The following CLASRP variants were observed in gnomAD, a reference collection of about 807,000 sequenced individuals.
The protein encoded by CLASRP is CLK4 associating serine/arginine rich protein, also known as CLK4-associating serine/arginine rich protein.
A neutral mutation model predicts 99.9 loss-of-function variants in CLASRP; 52 were observed. The observed-to-expected ratio is 0.52, with a 90% CI of 0.42 to 0.66. The LOEUF is 0.66. CLASRP is among the 30% of genes least tolerant of loss of function. CLASRP has a pLI of 0.00. For missense variants in CLASRP, 848 were observed against 999.2 expected, an observed-to-expected ratio of 0.85 and a Z score of 2.04; for synonymous variants, 379 against 373.0, an observed-to-expected ratio of 1.02 and a Z score of -0.18.
Position 45,060,287 on chromosome 19 carries a change from G to T in CLASRP, c.711-102G>T. On this transcript the variant is annotated intron_variant, in intron 8 of 20. Transcript: ENST00000221455. The surrounding 1 kb of genome is among the most constrained non-coding windows in gnomAD (Gnocchi z 4.6). ...AATGAAAGATACCTCAGGCTGGCGT[G>T]GGGTGACTCAGGTCCCTCACTTTCT... The T allele has an allele frequency of 1.0e-6, 1 of 988,268 alleles. No homozygotes were observed. The allele number at this position is 988,268 out of a possible 1,614,324, so 61.2% of individuals were successfully genotyped here.
intron 2 of CLASRP, among the ~76,000 whole-genome samples, chr19:45,041,439 A>G (rs960588415): frequency 4.6e-5 from 7 of 151,252 alleles, no homozygotes; most frequent in Admixed American, 4.6e-4. Context: ...GCTTTGGCCT[A>G]TATTACCCCC....
chr19:45,039,431 C>T (rs1352084619), intron 1 of CLASRP: 1 of 152,318 alleles, frequency 6.6e-6, no homozygotes, highest in Non-Finnish European at 1.5e-5. Flanking sequence ...CCCGTCCAAA[C>T]CTTCGGTCTC....
At chr19:45,059,531 C>T (rs1450034351) in intron 8 of CLASRP, among the ~76,000 whole-genome samples, 167 bp downstream of exon 8, 1 of 152,184 alleles carries the variant, frequency 6.6e-6, no homozygotes, top group Non-Finnish European at 1.5e-5. Flanking sequence ...GTCGTGGCCC[C>T]ACTTCATCTG....
intron 2 of CLASRP, among the ~76,000 whole-genome samples, chr19:45,049,195 G>C (rs1971976935): frequency 6.6e-6 from 1 of 152,134 alleles, no homozygotes; most frequent in Non-Finnish European, 1.5e-5. Flanking sequence ...CCCTGTACCT[G>C]CCAAATTCTG....
chr19:45,040,133 C>A, intron 1 of CLASRP, 51 bp from the exon 2 acceptor site: 1 of 974,404 alleles, frequency 1.0e-6, no homozygotes, highest in Non-Finnish European at 1.6e-6. Context: ...TTGATTCTGC[C>A]CATACGGGTT....
At chr19:45,066,290 T>G (rs542951069) in intron 13 of CLASRP, among the ~76,000 whole-genome samples, 15 of 152,086 alleles carry the variant, frequency 9.9e-5, no homozygotes, top group African/African-American at 3.6e-4. Flanking sequence ...TGGCTAATTT[T>G]TGTATTTCTA....
chr19:45,051,078 T>C (rs1052697233), intron 2 of CLASRP, among the ~76,000 whole-genome samples: 3 of 152,012 alleles, frequency 2.0e-5, no homozygotes, highest in Admixed American at 6.6e-5. Context: ...TGAAGTGGTA[T>C]CTTGTGGTTC....
At chr19:45,044,496 A>G (rs771648837) in intron 2 of CLASRP, among the ~76,000 whole-genome samples, 3 of 152,210 alleles carry the variant, frequency 2.0e-5, no homozygotes, top group Non-Finnish European at 4.4e-5. Context: ...AGCTGGCACT[A>G]TAACCCAGTC....
At chr19:45,043,195 TTGTGTGTGTGTG>T (rs58669276) in intron 2 of CLASRP, among the ~76,000 whole-genome samples, 278 of 134,750 alleles carry the variant, frequency 2.1e-3, no homozygotes, top group Middle Eastern at 7.3e-3. Flanking sequence ...AAGGAATACT[TTGTGTGTGTGTG>T]TGTGTGTGTG....
At chr19:45,058,742 C>T (rs1227288313) in intron 7 of CLASRP, among the ~76,000 whole-genome samples, 1 of 152,046 alleles carries the variant, frequency 6.6e-6, no homozygotes, top group Middle Eastern at 3.2e-3. Context: ...CCGCCCAGCC[C>T]TCCTTCCTCT....
chr19:45,069,974 C>T, intron 18 of CLASRP, 48 bp from the exon 19 acceptor site: 1 of 1,043,426 alleles, frequency 9.6e-7, no homozygotes. Context: ...TCCCTGAGTT[C>T]AGTGTGTCCA....
Position 45,060,663 on chromosome 19 carries a change from T to C in CLASRP, c.863+36T>C. The C allele has an allele frequency of 6.7e-7, 1 of 1,502,386 alleles. No homozygotes were observed. Among genetic ancestry groups the C allele is most frequent in the Non-Finnish European group, 9.0e-7 (1 of 1,110,636 alleles). 93.1% of individuals were successfully genotyped at this position (1,502,386 alleles called of 1,614,324 possible). A position where few individuals can be genotyped will look rare whatever the true frequency, so the allele number is the denominator to read the frequency against. On this transcript the variant is annotated intron_variant, in intron 10 of 20. Transcript: ENST00000221455. The surrounding 1 kb of genome is among the most constrained non-coding windows in gnomAD (Gnocchi z 4.6). Reference sequence around the variant, plus strand: ...TCCCTGAACCCCCACCCTGCTGGCATCTGGGGGAGGAGAGCAGGGGCTTAG... The same window carrying C: ...TCCCTGAACCCCCACCCTGCTGGCACCTGGGGGAGGAGAGCAGGGGCTTAG...
intron 2 of CLASRP, among the ~76,000 whole-genome samples, chr19:45,048,397 A>G (rs1971960784): frequency 6.6e-6 from 1 of 150,626 alleles, no homozygotes; most frequent in African/African-American, 2.4e-5. Context: ...TTAGCCAGGC[A>G]TTTTGGTGCA....
intron 2 of CLASRP, among the ~76,000 whole-genome samples, chr19:45,047,168 C>T (rs1971934059): frequency 6.6e-6 from 1 of 152,104 alleles, no homozygotes; most frequent in African/African-American, 2.4e-5. Context: ...GTGGTCTCTA[C>T]ACATAACGCA....
At chr19:45,068,342 C>G in intron 15 of CLASRP, 78 bp from the exon 16 acceptor site, 8 of 759,468 alleles carry the variant, frequency 1.1e-5, no homozygotes, top group Non-Finnish European at 1.9e-5. Context: ...GCACAAAGCC[C>G]CAGGCTTTTG....
At chr19:45,068,703 G>T (rs1021131954) in intron 16 of CLASRP, among the ~76,000 whole-genome samples, 13 of 152,194 alleles carry the variant, frequency 8.5e-5, no homozygotes, top group African/African-American at 3.1e-4. Context: ...CCTCATTTTA[G>T]AGAGTGGGGC....
At chr19:45,050,095 C>T (rs1971994038) in intron 2 of CLASRP, among the ~76,000 whole-genome samples, 1 of 151,552 alleles carries the variant, frequency 6.6e-6, no homozygotes, top group Non-Finnish European at 1.5e-5. Context: ...GTCTGGAATG[C>T]CCAAGGAATG....
intron 6 of CLASRP, 52 bp downstream of exon 6, chr19:45,056,586 C>T (rs757371424): frequency 4.8e-6 from 7 of 1,459,998 alleles, no homozygotes; most frequent in Middle Eastern, 2.2e-4. Context: ...GGGCTGGGAG[C>T]CCCAGCCAGG....
intron 2 of CLASRP, among the ~76,000 whole-genome samples, chr19:45,048,609 G>A (rs536389534): frequency 1.3e-5 from 2 of 151,296 alleles, no homozygotes; most frequent in Non-Finnish European, 1.5e-5. Context: ...ATCTGGGTTT[G>A]AATCCTAGTT....
Sources: allele counts gnomAD v4.1 joint callset (sites outside exome capture counted in the v4.1 genomes callset), GRCh38; gene constraint gnomAD v4.1.1; non-coding constraint Gnocchi (gnomAD v3.1); transcripts MANE v1.5; gene names NCBI Gene and HGNC (gene_info 2026-07-23, HGNC 2026-07-21).